Variants in GNG7 observed in about 807,000 individuals in gnomAD.
GNG7 encodes guanine nucleotide-binding protein G(I)/G(S)/G(O) subunit gamma-7.
GNG7 carries 1 observed loss-of-function variant against 4.0 expected under a neutral mutation model. The ratio of observed to expected loss-of-function variants is 0.25; its 90% CI spans 0.09 to 1.18. The LOEUF is 1.18. Among genes scored for constraint, GNG7 ranks in the 50% most tolerant of loss-of-function variants. The pLI, the probability that GNG7 is intolerant of heterozygous loss-of-function variation, is 0.50. For synonymous variants in GNG7, 34 were observed against 36.9 expected, an observed-to-expected ratio of 0.92 and a Z score of 0.29; for missense variants, 86 against 91.9, an observed-to-expected ratio of 0.94 and a Z score of 0.26.
intron 1 of GNG7, among the ~76,000 whole-genome samples, chr19:2,655,708 G>A (rs879890199): frequency 1.3e-5 from 2 of 151,638 alleles, no homozygotes; most frequent in Admixed American, 6.6e-5. Flanking sequence ...GCGTGGTGGC[G>A]GGCGCCTGTA....
At chr19:2,606,349 G>A (rs1981383993) in intron 2 of GNG7, among the ~76,000 whole-genome samples, 1 of 151,908 alleles carries the variant, frequency 6.6e-6, no homozygotes, top group African/African-American at 2.4e-5. Flanking sequence ...TCCAACCTGC[G>A]TGACAAAGTT....
In GNG7 at chr19:2,657,399, T is replaced by TATATATAC. The variant is rs1332253018; in HGVS notation, c.-134-11120_-134-11119insGTATATAT. 1.2e-3 allele frequency among the ~76,000 whole-genome samples: 95 copies of TATATATAC among 80,694 alleles called. 2 individuals are homozygous for TATATATAC. Among genetic ancestry groups the TATATATAC allele is most frequent in the Middle Eastern group, 7.8e-3 (1 of 128 alleles). The allele number at this position is 80,694 out of a possible 152,430, so 52.9% of individuals were successfully genotyped here. ...ATATATATATATATATATATATATA[T>TATATATAC]ACACATAATAACATTTATCCTAAAA... On this transcript the variant is annotated intron_variant, in intron 1 of 4. Coordinates refer to ENST00000382159, the MANE Select transcript of GNG7 (RefSeq NM_052847.3).
intron 1 of GNG7, among the ~76,000 whole-genome samples, chr19:2,696,320 A>T (rs1006439298): frequency 9.6e-4 from 141 of 147,386 alleles, no homozygotes; most frequent in Middle Eastern, 3.4e-3. Flanking sequence ...GAAAGAAAGA[A>T]AGAAAGAAAG....
At chr19:2,565,527 A>AC (rs1159834178) in intron 2 of GNG7, among the ~76,000 whole-genome samples, 45 of 151,328 alleles carry the variant, frequency 3.0e-4, no homozygotes, top group Non-Finnish European at 5.5e-4. Context: ...AAAAAAAACA[A>AC]AAACAAAAGC....
At chr19:2,663,625 A>T (rs2144881629) in intron 1 of GNG7, among the ~76,000 whole-genome samples, 1 of 152,274 alleles carries the variant, frequency 6.6e-6, no homozygotes, top group Admixed American at 6.5e-5. Context: ...TGTTTTTCCA[A>T]TATCTATCAA....
chr19:2,641,665 T>A (rs1359815362), intron 2 of GNG7, among the ~76,000 whole-genome samples: 1 of 152,042 alleles, frequency 6.6e-6, no homozygotes, highest in East Asian at 1.9e-4. Flanking sequence ...TCTTTTTTTT[T>A]TATTTTTTCT....
rs1405943796 is a variant in GNG7, at chr19:2,614,120, C to T, written c.-78+32104G>A. On this transcript the variant is annotated intron_variant, in intron 2 of 4. Transcript: ENST00000382159. This position sits in a 1 kb window ranked among gnomAD's most constrained non-coding sequence, Gnocchi z 6.0. ...GGCGTCTGTTGCGAGACCACATCCT[C>T]ACCACCCGGTGAACGGCACTGGGAG... 2.0e-5 allele frequency among the ~76,000 whole-genome samples: 3 copies of T among 152,234 alleles called. No individual in the cohort carries two copies. Among genetic ancestry groups the T allele is most frequent in the African/African-American group, 7.2e-5 (3 of 41,456 alleles).
At chr19:2,676,850 T>C (rs1983607526) in intron 1 of GNG7, among the ~76,000 whole-genome samples, 1 of 152,024 alleles carries the variant, frequency 6.6e-6, no homozygotes, top group African/African-American at 2.4e-5. Context: ...CAAAGAGATG[T>C]GTGGCAGAGA....
chr19:2,684,261 C>T (rs945667346), intron 1 of GNG7, among the ~76,000 whole-genome samples: 2 of 151,696 alleles, frequency 1.3e-5, no homozygotes, highest in Non-Finnish European at 2.9e-5. Flanking sequence ...CTCAGCCTCG[C>T]GAGTAGCTGG....
chr19:2,690,824 C>T (rs1913119730), intron 1 of GNG7, among the ~76,000 whole-genome samples: 1 of 152,152 alleles, frequency 6.6e-6, no homozygotes, highest in Non-Finnish European at 1.5e-5. Context: ...GAACTTCTGA[C>T]CTCAAGTTAT....
At chr19:2,608,074 A>C (rs1424238916) in intron 2 of GNG7, among the ~76,000 whole-genome samples, 1 of 150,878 alleles carries the variant, frequency 6.6e-6, no homozygotes, top group Non-Finnish European at 1.5e-5. Flanking sequence ...AAAAAGGTTA[A>C]GCCAAGTCAG....
chr19:2,532,991 A>G (rs1283695664), intron 3 of GNG7, among the ~76,000 whole-genome samples: 1 of 152,154 alleles, frequency 6.6e-6, no homozygotes, highest in East Asian at 1.9e-4. Flanking sequence ...AAGGACTTGT[A>G]CGAGATGTTC....
At chr19:2,522,604 C>T (rs1053043931) in intron 3 of GNG7, among the ~76,000 whole-genome samples, 4 of 151,426 alleles carry the variant, frequency 2.6e-5, no homozygotes, top group African/African-American at 9.7e-5. Flanking sequence ...GAAACCCCGT[C>T]TCCCGGGCGT....
Position 2,618,927 on chromosome 19 carries a change from G to A in GNG7, c.-78+27297C>T, listed in dbSNP as rs919048654. 6.6e-6 allele frequency among the ~76,000 whole-genome samples: 1 copy of A among 152,066 alleles called. No homozygotes were observed. The highest frequency in any genetic ancestry group is 2.1e-4 in the South Asian group (1 of 4,824). The stretch of plus-strand genomic sequence containing the variant: ...TGTGGCATCTGACCGTCCCATCTCC[G>A]TGGGTTCCTCTGGGCTCTCAGTTTC... On this transcript the variant is annotated intron_variant, in intron 2 of 4. Transcript: ENST00000382159. This position sits in a 1 kb window ranked among gnomAD's most constrained non-coding sequence, Gnocchi z 5.1.
At chr19:2,696,331 AAAGAAAGAAAG>A (rs1913257018) in intron 1 of GNG7, among the ~76,000 whole-genome samples, 1 of 145,790 alleles carries the variant, frequency 6.9e-6, no homozygotes, top group Non-Finnish European at 1.5e-5. Flanking sequence ...AGAAAGAAAG[AAAGAAAGAAAG>A]AAAGAAAAGA....
chr19:2,626,143 C>T lies in GNG7; in HGVS notation c.-78+20081G>A, dbSNP rs1982015360. ...CTGGACTGCAGGGGTGGTGATCACC[C>T]CCCATTTTACCAAACAGAAGCAGAG... On this transcript the variant is annotated intron_variant, in intron 2 of 4. Transcript: ENST00000382159. The surrounding 1 kb of genome is among the most constrained non-coding windows in gnomAD (Gnocchi z 5.0). 6.6e-6 allele frequency among the ~76,000 whole-genome samples: 1 copy of T among 152,250 alleles called. No homozygotes were observed. Among genetic ancestry groups the T allele is most frequent in the East Asian group, 1.9e-4 (1 of 5,158 alleles).
intron 2 of GNG7, among the ~76,000 whole-genome samples, chr19:2,589,649 T>C (rs1980781283): frequency 6.6e-6 from 1 of 152,090 alleles, no homozygotes; most frequent in African/African-American, 2.4e-5. Flanking sequence ...AGTAAGGAAA[T>C]GATGCCTTGA....
At chr19:2,678,885 T>C (rs943084549) in intron 1 of GNG7, among the ~76,000 whole-genome samples, 2 of 152,034 alleles carry the variant, frequency 1.3e-5, no homozygotes, top group Admixed American at 1.3e-4. Context: ...AACCAACAGC[T>C]TCTCATGACG....
chr19:2,642,503 T>C (rs1441308731), intron 2 of GNG7: 1 of 346,064 alleles, frequency 2.9e-6, no homozygotes, highest in Non-Finnish European at 5.7e-6. Flanking sequence ...GTAGCTGGGA[T>C]TTCAGGTGTG....
Sources: gnomAD v4.1 joint callset for allele counts (sites outside exome capture counted in the v4.1 genomes callset) on GRCh38, gnomAD v4.1.1 for gene constraint, Gnocchi (gnomAD v3.1) non-coding constraint, MANE v1.5 for transcripts, NCBI Gene and HGNC (gene_info 2026-07-23, HGNC 2026-07-21) for gene names.